The following GRM2 variants were observed in gnomAD, a reference collection of about 807,000 sequenced individuals.
GRM2 encodes metabotropic glutamate receptor 2.
In GRM2, 35 loss-of-function variants were observed where a neutral mutation model predicts 60.4. The observed-to-expected ratio is 0.58, with a 90% CI of 0.44 to 0.77. The LOEUF (loss-of-function observed/expected upper bound fraction) is 0.77, where lower values mean the gene tolerates loss of function less well. Ranked by LOEUF, GRM2 falls within the 30% of genes least tolerant of loss-of-function variation. GRM2 has a pLI of 0.00. For synonymous variants in GRM2, 437 were observed against 484.1 expected, an observed-to-expected ratio of 0.90 and a Z score of 1.28; for missense variants, 925 against 1,199.5, an observed-to-expected ratio of 0.77 and a Z score of 3.38.
intron 3 of GRM2, chr3:51,714,050 C>T: frequency 4.6e-6 from 2 of 437,842 alleles, no homozygotes; most frequent in South Asian, 1.6e-5. Context: ...CATCACTATG[C>T]TTCAGGAAGA....
rs1703537689 is a variant in GRM2, at chr3:51,707,114, C to G, written c.-190C>G. The G allele has an allele frequency of 6.6e-6, 1 of 152,310 alleles. No homozygotes were observed. Among genetic ancestry groups the G allele is most frequent in the Non-Finnish European group, 1.5e-5 (1 of 67,960 alleles). The allele number at this position is 152,310 out of a possible 1,614,324, so 9.4% of individuals were successfully genotyped here. A position where few individuals can be genotyped will look rare whatever the true frequency, so the allele number is the denominator to read the frequency against. On this transcript the variant is annotated 5_prime_UTR_variant, in exon 1 of 6. Transcript: ENST00000395052. Reference sequence around the variant, plus strand: ...GCGAGCGAGCGAGCGGGAGCCGGAGCCTCGCGCCCCCCGCTCCACTCCGAT... The same window carrying G: ...GCGAGCGAGCGAGCGGGAGCCGGAGGCTCGCGCCCCCCGCTCCACTCCGAT...
chr3:51,712,443 T>C lies in GRM2; in HGVS notation c.451-30T>C, dbSNP rs1703744178. 1 of 1,457,362 alleles carries C rather than the reference T, an allele frequency of 6.9e-7. No homozygotes were observed. Among genetic ancestry groups the C allele is most frequent in the African/African-American group, 1.4e-5 (1 of 71,964 alleles). 90.3% of individuals were successfully genotyped at this position (1,457,362 alleles called of 1,614,324 possible). ...TGTCTCTAGTGTTTGATCTGACCGC[T>C]GATCTTTGCCTTCTCTACTCCTCCC... is the stretch of plus-strand genomic sequence containing the variant. On this transcript the variant is annotated intron_variant, in intron 2 of 5. Transcript: ENST00000395052. This position sits in a 1 kb window ranked among gnomAD's most constrained non-coding sequence, Gnocchi z 5.3.
Position 51,709,427 on chromosome 3 carries a change from C to T in GRM2, c.444C>T (p.Ser148=). 1 of 1,536,928 alleles carries T rather than the reference C, an allele frequency of 6.5e-7. No individual in the cohort carries two copies. Among genetic ancestry groups the T allele is most frequent in the Non-Finnish European group, 8.8e-7 (1 of 1,131,254 alleles). Residue 148 remains serine (S), a synonymous_variant, in exon 2 of 6, where the codon TCC becomes TCT. Transcript: ENST00000395052. ...TTGGCGGTTCCTACAGTGATGTCTC[C>T]ATCCAGGTACGTGGAAGCCACCCAA... The part of the protein sequence containing the change: ...GVIGGSYSDV[S]IQVANLLRLF...
chr3:51,717,739 A>G lies in GRM2; in HGVS notation c.2467A>G (p.Lys823Glu), dbSNP rs1237382757. 6.2e-7 allele frequency: 1 copy of G among 1,614,172 alleles called. No homozygotes were observed. Among genetic ancestry groups the G allele is most frequent in the Non-Finnish European group, 8.5e-7 (1 of 1,180,036 alleles). Residue 823 changes from lysine to glutamate, a missense_variant, in exon 5 of 6, where the codon AAG becomes GAG. Physicochemically the swap from Lys to Glu is moderately conservative, Grantham distance 56. Coordinates refer to ENST00000395052, the MANE Select transcript of GRM2 (RefSeq NM_000839.5). This position sits in a 1 kb window ranked among gnomAD's most constrained non-coding sequence, Gnocchi z 6.0. The part of the protein sequence containing the change: ...KLHIILFQPQ[K>E]NVVSHRAPTS... ...GCACATCATCCTCTTCCAGCCGCAG[A>G]AGAACGTGGTTAGCCACCGGGCACC... is the stretch of plus-strand genomic sequence containing the variant.
chr3:51,713,355 G>C lies in GRM2; in HGVS notation c.1288+45G>C. On this transcript the variant is annotated intron_variant, in intron 3 of 5. Coordinates refer to ENST00000395052, the MANE Select transcript of GRM2 (RefSeq NM_000839.5). This position sits in a 1 kb window ranked among gnomAD's most constrained non-coding sequence, Gnocchi z 4.8. ...TCCATTGGCCTGCTGGCTGTCAGAG[G>C]ATGAGGGGAAGCAGAACTTCAGCTT... The C allele has an allele frequency of 7.7e-7, 1 of 1,306,966 alleles. No homozygotes were observed. The highest frequency in any genetic ancestry group is 1.3e-5 in the South Asian group (1 of 74,656). 81.0% of individuals were successfully genotyped at this position (1,306,966 alleles called of 1,614,324 possible).
At position 51,713,020 on chromosome 3, in the gene GRM2, G is replaced by A. The variant is rs570829609; in HGVS notation, c.998G>A (p.Ser333Asn). 8 of 1,613,364 alleles carry A rather than the reference G, an allele frequency of 5.0e-6. No homozygotes were observed. In the South Asian group the frequency reaches 7.7e-5, roughly 15 times the overall value. The stretch of plus-strand genomic sequence containing the variant: ...AGTGACTTTGCCTCCTACTTCCAGA[G>A]CCTGGACCCTTGGAACAACAGCCGG... The part of the protein sequence containing the change: ...PISDFASYFQ[S>N]LDPWNNSRNP... The change falls in exon 3 of 6, where the codon AGC (serine) becomes AAC (asparagine). Residue 333 changes from serine to asparagine, a missense_variant. By Grantham distance (46) the Ser-to-Asn change is conservative (BLOSUM62 1). Transcript: ENST00000395052. This position sits in a 1 kb window ranked among gnomAD's most constrained non-coding sequence, Gnocchi z 4.8.
rs577811602 is a variant in GRM2, at chr3:51,707,095, G to C, written c.-209G>C. 1.3e-5 allele frequency: 2 copies of C among 152,430 alleles called. No homozygotes were observed. Among genetic ancestry groups the C allele is most frequent in the South Asian group, 1.9e-4 (1 of 5,292 alleles). The allele number at this position is 152,430 out of a possible 1,614,324, so 9.4% of individuals were successfully genotyped here. On this transcript the variant is annotated 5_prime_UTR_variant, in exon 1 of 6. Transcript: ENST00000395052. ...GCGCAGAGCCAGCGAGCCAGCGAGCGAGCGAGCGGGAGCCGGAGCCTCGCG... is the reference window on the plus strand; with the variant it reads ...GCGCAGAGCCAGCGAGCCAGCGAGCCAGCGAGCGGGAGCCGGAGCCTCGCG...
chr3:51,710,056 C>A (rs1369370787), intron 2 of GRM2, among the ~76,000 whole-genome samples: 1 of 150,894 alleles, frequency 6.6e-6, no homozygotes, highest in Non-Finnish European at 1.5e-5. Flanking sequence ...GTGGTGAGAT[C>A]TCAGCCCACT....
chr3:51,713,238 C>T lies in GRM2; in HGVS notation c.1216C>T (p.Leu406Phe). ...TGCCCTCTGCCCCAACACCACCCGG[C>T]TCTGTGACGCGATGCGGCCAGTTAA... ...HRALCPNTTR[L>F]CDAMRPVNGR... Residue 406 changes from leucine to phenylalanine, a missense_variant, in exon 3 of 6, where the codon CTC becomes TTC. Transcript: ENST00000395052. The surrounding 1 kb of genome is among the most constrained non-coding windows in gnomAD (Gnocchi z 4.8). 6.2e-7 allele frequency: 1 copy of T among 1,613,072 alleles called. No individual in the cohort carries two copies.
At chr3:51,714,903 T>C in intron 3 of GRM2, 159 bp from the exon 4 acceptor site, 2 of 473,070 alleles carry the variant, frequency 4.2e-6, no homozygotes, top group Non-Finnish European at 7.6e-6. Flanking sequence ...TTTAGAAAAA[T>C]GATTGGGGTC....
Position 51,713,760 on chromosome 3 carries a change from C to CTTTT in GRM2, c.1288+453_1288+454insTTTT. 1 of 209,530 alleles carries CTTTT rather than the reference C, an allele frequency of 4.8e-6. No individual in the cohort carries two copies. Among genetic ancestry groups the CTTTT allele is most frequent in the Non-Finnish European group, 9.8e-6 (1 of 102,348 alleles). The allele number at this position is 209,530 out of a possible 1,614,324, so 13.0% of individuals were successfully genotyped here. On this transcript the variant is annotated intron_variant, in intron 3 of 5. Coordinates refer to ENST00000395052, the MANE Select transcript of GRM2 (RefSeq NM_000839.5). The surrounding 1 kb of genome is among the most constrained non-coding windows in gnomAD (Gnocchi z 4.8). ...TTCTTTCTTTTTTCTTTCTTTCTTT[C>CTTTT]TTTCTTTCTTTTCTTAGATGGGGTC... is the stretch of plus-strand genomic sequence containing the variant.
Position 51,717,931 on chromosome 3 carries a change from A to G in GRM2, c.2546-108A>G, listed in dbSNP as rs561157202. The stretch of plus-strand genomic sequence containing the variant: ...GCCCCCCAAATGACACTGGCAGGAG[A>G]GGACAGGAGAGGGGAGGGGAGGCTT... On this transcript the variant is annotated intron_variant, in intron 5 of 5. Coordinates refer to ENST00000395052, the MANE Select transcript of GRM2 (RefSeq NM_000839.5). The surrounding 1 kb of genome is among the most constrained non-coding windows in gnomAD (Gnocchi z 6.0). 629 of 1,409,310 alleles carry G rather than the reference A, an allele frequency of 4.5e-4. 4 individuals are homozygous for G. The African/African-American group carries it at 7.6e-3, about 17-fold the overall frequency. The allele number at this position is 1,409,310 out of a possible 1,614,324, so 87.3% of individuals were successfully genotyped here.
At position 51,715,388 on chromosome 3, in the gene GRM2, G is replaced by A; in HGVS notation, c.1615G>A (p.Asp539Asn). ...EYRLDEFTCA[D>N]CGLGYWPNAS... ...CCGATTGGACGAATTCACTTGCGCT[G>A]ATTGTGGCCTGGGCTACTGGCCCAA... Residue 539 changes from aspartate (D) to asparagine (N), a missense_variant, in exon 4 of 6, where the codon GAT (aspartate) becomes AAT (asparagine). Physicochemically the swap from Asp to Asn is conservative, Grantham distance 23 (BLOSUM62 1). Transcript: ENST00000395052. The surrounding 1 kb of genome is among the most constrained non-coding windows in gnomAD (Gnocchi z 9.0). The A allele has an allele frequency of 5.6e-6, 9 of 1,613,646 alleles. No homozygotes were observed. The highest frequency in any genetic ancestry group is 7.6e-6 in the Non-Finnish European group (9 of 1,180,042).
Position 51,712,142 on chromosome 3 carries a change from C to CA in GRM2, c.451-330dup, listed in dbSNP as rs2107102945. 6.6e-6 allele frequency among the ~76,000 whole-genome samples: 1 copy of CA among 152,302 alleles called. No individual in the cohort carries two copies. The highest frequency in any genetic ancestry group is 6.5e-5 in the Admixed American group (1 of 15,304). ...TGCCATCTCATGCCTCCCTCTGCCC[C>CA]AGTGTAGCCAGGTGCCAACCTCCCT... On this transcript the variant is annotated intron_variant, in intron 2 of 5. Transcript: ENST00000395052. This position sits in a 1 kb window ranked among gnomAD's most constrained non-coding sequence, Gnocchi z 5.3.
chr3:51,709,172 G>A lies in GRM2; in HGVS notation c.189G>A (p.Glu63=), dbSNP rs1184070924. 2 of 1,612,348 alleles carry A rather than the reference G, an allele frequency of 1.2e-6. No homozygotes were observed. Among genetic ancestry groups the A allele is most frequent in the Non-Finnish European group, 1.7e-6 (2 of 1,179,616 alleles). The change falls in exon 2 of 6, where the codon GAG becomes GAA. Residue 63 remains glutamate (E), a synonymous_variant. Transcript: ENST00000395052. ...VNEHRGIQRL[E]AMLFALDRIN... is the part of the protein sequence containing the mutation. The stretch of plus-strand genomic sequence containing the variant: ...AGCACCGTGGCATCCAGCGCCTGGA[G>A]GCCATGCTTTTTGCACTGGACCGCA...
chr3:51,713,830 C>A lies in GRM2; in HGVS notation c.1288+520C>A, dbSNP rs1255104786. ...GGAGTGCAGTGGTTATTCACAGGCA[C>A]AATACAGCCTCCAACTCCTGGGCTC... On this transcript the variant is annotated intron_variant, in intron 3 of 5. Coordinates refer to ENST00000395052, the MANE Select transcript of GRM2 (RefSeq NM_000839.5). The surrounding 1 kb of genome is among the most constrained non-coding windows in gnomAD (Gnocchi z 4.8). 3.1e-6 allele frequency: 1 copy of A among 319,944 alleles called. No individual in the cohort carries two copies. The highest frequency in any genetic ancestry group is 6.4e-6 in the Non-Finnish European group (1 of 157,012). 19.8% of individuals were successfully genotyped at this position (319,944 alleles called of 1,614,324 possible).
At position 51,709,195 on chromosome 3, in the gene GRM2, G is replaced by A. The variant is rs200502357; in HGVS notation, c.212G>A (p.Arg71His). ...GAGGCCATGCTTTTTGCACTGGACC[G>A]CATCAACCGTGACCCGCACCTGCTG... ...RLEAMLFALD[R>H]INRDPHLLPG... The change falls in exon 2 of 6, where the codon CGC becomes CAC. Residue 71 changes from arginine (R) to histidine (H), a missense_variant. By Grantham distance (29) the Arg-to-His change is conservative (BLOSUM62 0). Transcript: ENST00000395052. 11 of 1,611,526 alleles carry A rather than the reference G, an allele frequency of 6.8e-6. No homozygotes were observed. In the East Asian group the frequency reaches 1.6e-4, roughly 23 times the overall value.
chr3:51,715,695 C>T lies in GRM2; in HGVS notation c.1922C>T (p.Thr641Ile). Reference protein sequence around the residue: ...VCTLRRLGLGTAFSVCYSALL... With the variant: ...VCTLRRLGLGIAFSVCYSALL... ...ACCTTACGGCGTCTTGGTTTGGGCACTGCCTTCTCTGTCTGCTACTCAGCC... is the reference window on the plus strand; with the variant it reads ...ACCTTACGGCGTCTTGGTTTGGGCATTGCCTTCTCTGTCTGCTACTCAGCC... The change falls in exon 4 of 6, where the codon ACT becomes ATT. Residue 641 changes from threonine (T) to isoleucine (I), a missense_variant. Coordinates refer to ENST00000395052, the MANE Select transcript of GRM2 (RefSeq NM_000839.5). The surrounding 1 kb of genome is among the most constrained non-coding windows in gnomAD (Gnocchi z 9.0). 3 of 1,614,280 alleles carry T rather than the reference C, an allele frequency of 1.9e-6. No individual in the cohort carries two copies. Among genetic ancestry groups the T allele is most frequent in the Non-Finnish European group, 2.5e-6 (3 of 1,180,056 alleles).
In GRM2 at chr3:51,715,048, C is replaced by T. The variant is rs772673709; in HGVS notation, c.1289-14C>T. 1.3e-6 allele frequency: 2 copies of T among 1,497,100 alleles called. No individual in the cohort carries two copies. The highest frequency in any genetic ancestry group is 4.0e-5 in the Admixed American group (2 of 49,574). The allele number at this position is 1,497,100 out of a possible 1,614,324, so 92.7% of individuals were successfully genotyped here. On this transcript the variant is annotated splice_polypyrimidine_tract_variant and intron_variant, in intron 3 of 5. Transcript: ENST00000395052. This position sits in a 1 kb window ranked among gnomAD's most constrained non-coding sequence, Gnocchi z 9.0. ...ACTAGTCCAACCTTCTCTTCCTTCC[C>T]TCCCCCATCCTAGCCCCCTTTCGCC...
Sources: allele counts gnomAD v4.1 joint callset (sites outside exome capture counted in the v4.1 genomes callset), GRCh38; gene constraint gnomAD v4.1.1; non-coding constraint Gnocchi (gnomAD v3.1); transcripts MANE v1.5; gene names NCBI Gene and HGNC (gene_info 2026-07-23, HGNC 2026-07-21).